Variants in PTPRD observed in about 807,000 individuals in gnomAD.
The protein encoded by PTPRD is protein tyrosine phosphatase receptor type D.
Under a neutral mutation model 214.5 loss-of-function variants are expected in PTPRD, and 34 were observed. The ratio of observed to expected loss-of-function variants is 0.16; its 90% CI spans 0.12 to 0.21. The LOEUF (loss-of-function observed/expected upper bound fraction) is 0.21, where lower values mean the gene tolerates loss of function less well. PTPRD is among the 10% of genes least tolerant of loss of function. PTPRD has a pLI of 1.00. For synonymous variants in PTPRD, 1,128 were observed against 845.7 expected, an observed-to-expected ratio of 1.33 and a Z score of -5.79; for missense variants, 2,545 against 2,398.7, an observed-to-expected ratio of 1.06 and a Z score of -1.27.
At chr9:9,444,084 A>G (rs577482652) in intron 8 of PTPRD, among the ~76,000 whole-genome samples, 32 of 152,334 alleles carry the variant, frequency 2.1e-4, no homozygotes, top group Non-Finnish European at 4.3e-4. Flanking sequence ...CTGTTTGGCC[A>G]AACACTGTAT....
At chr9:9,623,355 A>G (rs769052753) in intron 7 of PTPRD, among the ~76,000 whole-genome samples, 95 of 152,286 alleles carry the variant, frequency 6.2e-4, no homozygotes, top group Non-Finnish European at 4.6e-4. Context: ...TAACATCTAC[A>G]TATTATCTCA....
intron 3 of PTPRD, among the ~76,000 whole-genome samples, chr9:10,053,184 G>T (rs1156457838): frequency 6.6e-6 from 1 of 152,130 alleles, no homozygotes; most frequent in Admixed American, 6.6e-5. Flanking sequence ...ATGCTTAAAA[G>T]GATGATTTAT....
intron 3 of PTPRD, among the ~76,000 whole-genome samples, chr9:10,123,542 C>T (rs1254871078): frequency 1.3e-5 from 2 of 152,168 alleles, no homozygotes; most frequent in Middle Eastern, 3.2e-3. Flanking sequence ...ATCTCCAGCC[C>T]TGTCCTTCAT....
Position 8,912,479 on chromosome 9 carries a change from T to G in PTPRD, c.-104+106218A>C, listed in dbSNP as rs149255214. 9.3e-4 allele frequency among the ~76,000 whole-genome samples: 141 copies of G among 152,154 alleles called. 1 individual carries two copies. Among genetic ancestry groups the G allele is most frequent in the African/African-American group, 3.3e-3 (135 of 41,512 alleles). Reference sequence around the variant, plus strand: ...CAAACCTACGGAGACAGAAAACAGATCTGAGGTTGTCTGGGACCAGGTTGA... The same window carrying G: ...CAAACCTACGGAGACAGAAAACAGAGCTGAGGTTGTCTGGGACCAGGTTGA... On this transcript the variant is annotated intron_variant, in intron 11 of 45. Transcript: ENST00000381196.
intron 11 of PTPRD, among the ~76,000 whole-genome samples, chr9:8,753,722 A>G (rs2093732067): frequency 6.6e-6 from 1 of 152,242 alleles, no homozygotes; most frequent in African/African-American, 2.4e-5. Context: ...AGCAGCATCA[A>G]AAATATAAAA....
At chr9:9,066,013 T>C (rs1013125639) in intron 10 of PTPRD, among the ~76,000 whole-genome samples, 2 of 152,182 alleles carry the variant, frequency 1.3e-5, no homozygotes, top group East Asian at 1.9e-4. Flanking sequence ...TTTTAGCTGT[T>C]GTTATACATG....
chr9:8,841,873 T>C (rs1245456846), intron 11 of PTPRD, among the ~76,000 whole-genome samples: 1 of 151,874 alleles, frequency 6.6e-6, no homozygotes, highest in Admixed American at 6.6e-5. Flanking sequence ...TAGCCAGGTG[T>C]GGTGGCGGAC....
intron 2 of PTPRD, among the ~76,000 whole-genome samples, chr9:10,376,835 T>C (rs569440770): frequency 1.3e-5 from 2 of 152,112 alleles, no homozygotes; most frequent in South Asian, 4.1e-4. Context: ...AGATATGCAA[T>C]GTGTAATAGT....
intron 9 of PTPRD, among the ~76,000 whole-genome samples, chr9:9,222,027 A>C (rs1248704788): frequency 6.6e-6 from 1 of 152,100 alleles, no homozygotes; most frequent in Non-Finnish European, 1.5e-5. Context: ...AATAAAAGCA[A>C]GGGTTAATTT....
intron 4 of PTPRD, among the ~76,000 whole-genome samples, chr9:9,939,011 TCC>T (rs2153962138): frequency 9.2e-6 from 1 of 108,932 alleles, no homozygotes; most frequent in Admixed American, 9.5e-5. Context: ...TTTTCTGAAT[TCC>T]TTTTTTTTTT....
At chr9:9,001,992 TG>T (rs1265887311) in intron 11 of PTPRD, among the ~76,000 whole-genome samples, 3 of 88,122 alleles carry the variant, frequency 3.4e-5, no homozygotes, top group Middle Eastern at 0.012. Flanking sequence ...TGTGTGTGTT[TG>T]GGGGGTTGGT....
chr9:8,838,973 A>C (rs2154532086), intron 11 of PTPRD, among the ~76,000 whole-genome samples: 1 of 152,278 alleles, frequency 6.6e-6, no homozygotes, highest in South Asian at 2.1e-4. Context: ...CCTGTATGTT[A>C]AAAAATCATT....
chr9:8,969,132 T>G (rs1361020185), intron 11 of PTPRD, among the ~76,000 whole-genome samples: 1 of 152,070 alleles, frequency 6.6e-6, no homozygotes, highest in African/African-American at 2.4e-5. Flanking sequence ...TATAATGAAA[T>G]GATGCCCAAA....
chr9:10,256,396 T>C (rs2093279837), intron 3 of PTPRD, among the ~76,000 whole-genome samples: 1 of 86,792 alleles, frequency 1.2e-5, no homozygotes, highest in African/African-American at 4.8e-5. Flanking sequence ...GAATTACAGC[T>C]TTTTTTTTTT....
chr9:9,275,075 TATATATA>T (rs1281793609), intron 9 of PTPRD, among the ~76,000 whole-genome samples: 3 of 76,876 alleles, frequency 3.9e-5, no homozygotes, highest in East Asian at 6.8e-4. Flanking sequence ...ATTATATATA[TATATATA>T]ATATATATGT....
intron 9 of PTPRD, among the ~76,000 whole-genome samples, chr9:9,197,462 ATGCAATAGCGCAATCTTTGCTCAC>A (rs67763355): frequency 0.053 from 8,108 of 152,140 alleles, 514 homozygotes; most frequent in African/African-American, 0.15. Flanking sequence ...CCAGACTGGA[ATGCAATAGCGCAATCTTTGCTCAC>A]TGCAATATCT....
chr9:9,717,332 G>A lies in PTPRD; in HGVS notation c.-287+17201C>T, dbSNP rs187111653. Among the ~76,000 whole-genome samples, 83 of 152,188 alleles carry A rather than the reference G, an allele frequency of 5.5e-4. No homozygotes were observed. The East Asian group carries it at 0.015, about 28-fold the overall frequency. ...TCACTTAGGATTGACTTGGTAATGC[G>A]GGCTCTTTTTTGGTTCCATATGAAC... On this transcript the variant is annotated intron_variant, in intron 7 of 45. Coordinates refer to ENST00000381196, the MANE Select transcript of PTPRD (RefSeq NM_002839.4).
At chr9:8,538,007 C>T (rs2077372571) in intron 14 of PTPRD, among the ~76,000 whole-genome samples, 2 of 152,020 alleles carry the variant, frequency 1.3e-5, no homozygotes, top group South Asian at 2.1e-4. Flanking sequence ...AAAAGAAGTA[C>T]CTTCTCCTCC....
chr9:8,468,603 T>TCTA (rs2096590510), intron 31 of PTPRD, among the ~76,000 whole-genome samples: 1 of 151,906 alleles, frequency 6.6e-6, no homozygotes, highest in African/African-American at 2.4e-5. Context: ...CTTATGGGCC[T>TCTA]AGATATGAGG....
Sources: allele counts gnomAD v4.1 joint callset (sites outside exome capture counted in the v4.1 genomes callset), GRCh38; gene constraint gnomAD v4.1.1; transcripts MANE v1.5; gene names NCBI Gene and HGNC (gene_info 2026-07-23, HGNC 2026-07-21).